RTN4: variants seen among roughly 807,000 people sequenced by gnomAD.
RTN4 encodes the protein reticulon 4.
RTN4 carries 32 observed loss-of-function variants against 90.4 expected under a neutral mutation model. The ratio of observed to expected loss-of-function variants is 0.35; its 90% CI spans 0.27 to 0.48. RTN4 has a LOEUF of 0.48. Among genes scored for constraint, RTN4 ranks in the 20% least tolerant of loss-of-function variants. RTN4 has a pLI of 0.99. For missense variants in RTN4, 1,706 were observed against 1,430.2 expected (o/e 1.19, Z -3.11); for synonymous variants, 629 against 552.5 (o/e 1.14, Z -1.94).
At chr2:55,039,372 TA>T (rs1363211817) in intron 1 of RTN4, among the ~76,000 whole-genome samples, 4 of 152,190 alleles carry the variant, frequency 2.6e-5, no homozygotes, top group Non-Finnish European at 5.9e-5. Flanking sequence ...AACTCATCGA[TA>T]GATTAAAAGA....
intron 3 of RTN4, chr2:55,010,383 G>C: frequency 7.8e-7 from 1 of 1,282,004 alleles, no homozygotes; most frequent in Non-Finnish European, 9.9e-7. Context: ...GATTGTTTTA[G>C]GCATTTGCCT....
intron 4 of RTN4, among the ~76,000 whole-genome samples, chr2:54,985,153 C>CTTTTTTTTTTTTTT (rs71769973): frequency 5.2e-5 from 3 of 57,864 alleles, no homozygotes; most frequent in African/African-American, 2.2e-4. Flanking sequence ...ATGACTCGGC[C>CTTTTTTTTTTTTTT]TTTTTTTTTT....
At chr2:55,078,160 C>T (rs1668637279) in intron 2 of RTN4, among the ~76,000 whole-genome samples, 1 of 151,762 alleles carries the variant, frequency 6.6e-6, no homozygotes, top group Non-Finnish European at 1.5e-5. Context: ...ACAACCTTTT[C>T]CCAAAAAACC....
chr2:55,087,711 C>T (rs1188686298), intron 1 of RTN4, among the ~76,000 whole-genome samples: 1 of 151,918 alleles, frequency 6.6e-6, no homozygotes, highest in East Asian at 1.9e-4. Flanking sequence ...ACTGCTGAGT[C>T]ATAGTATATG....
the RTN4 span, among the ~76,000 whole-genome samples, chr2:55,122,624 C>T: frequency 6.6e-6 from 1 of 152,046 alleles, no homozygotes; most frequent in Non-Finnish European, 1.5e-5. Context: ...ATGGGTCAGT[C>T]CTATGGGCAC....
rs763773034 is a variant in RTN4 at position 54,974,651 on chromosome 2, A to C, written c.3430+44T>G. 6 of 1,425,100 alleles carry C rather than the reference A, an allele frequency of 4.2e-6. No homozygotes were observed. In the South Asian group the frequency reaches 4.6e-5, roughly 11 times the overall value. 88.3% of individuals were successfully genotyped at this position (1,425,100 alleles called of 1,614,324 possible). ...TAAAATGTCTAAGCTCCTGGCACAC[A>C]ATCTTTCCAGCAATTTTTCATCCCA... On this transcript the variant is annotated intron_variant, in intron 6 of 8. Transcript: ENST00000337526.
At chr2:55,072,753 G>A (rs1668538710) in intron 2 of RTN4, among the ~76,000 whole-genome samples, 1 of 152,094 alleles carries the variant, frequency 6.6e-6, no homozygotes, top group Non-Finnish European at 1.5e-5. Context: ...ATTCCCCAAA[G>A]GAATGTTTAC....
At chr2:54,995,133 G>A (rs369395067) in intron 3 of RTN4, among the ~76,000 whole-genome samples, 8 of 151,758 alleles carry the variant, frequency 5.3e-5, no homozygotes, top group East Asian at 1.9e-4. Context: ...CCAGCTACTC[G>A]GGAGGCTGAG....
chr2:55,019,326 T>C (rs1001277561), intron 3 of RTN4, among the ~76,000 whole-genome samples: 1 of 152,144 alleles, frequency 6.6e-6, no homozygotes, highest in African/African-American at 2.4e-5. Context: ...GAATCATCAA[T>C]GGTTTACTAA....
chr2:55,025,110 A>G lies in RTN4; in HGVS notation c.2989T>C (p.Ser997Pro), dbSNP rs1681720451. 3 of 1,608,806 alleles carry G rather than the reference A, an allele frequency of 1.9e-6. No individual in the cohort carries two copies. Among genetic ancestry groups the G allele is most frequent in the Non-Finnish European group, 2.5e-6 (3 of 1,177,488 alleles). ...CCTGAAGTTTTACTCAGCTCTGCTG[A>G]AAATATAGCAGATGGTGATCTGTCC... The part of the protein sequence containing the change: ...KEDRSPSAIF[S>P]AELSKTSVVD... The change falls in exon 3 of 9, where the codon TCA becomes CCA. Residue 997 changes from serine (S) to proline (P), a missense_variant. Physicochemically the swap from Ser to Pro is moderately conservative, Grantham distance 74 (BLOSUM62 -1). Coordinates refer to ENST00000337526, the MANE Select transcript of RTN4 (RefSeq NM_020532.5).
chr2:55,077,262 C>G (rs1668619772), intron 2 of RTN4, among the ~76,000 whole-genome samples: 1 of 151,724 alleles, frequency 6.6e-6, no homozygotes, highest in Non-Finnish European at 1.5e-5. Flanking sequence ...ATCCTCCTGC[C>G]TCGGCCTCCC....
At chr2:55,096,056 TG>T in intron 1 of RTN4, among the ~76,000 whole-genome samples, 1 of 152,270 alleles carries the variant, frequency 6.6e-6, no homozygotes, top group Middle Eastern at 3.4e-3. Context: ...GGGCCGGGTA[TG>T]GTGGCTCACG....
chr2:55,052,079 G>C (rs1029502135), upstream of RTN4, among the ~76,000 whole-genome samples: 1 of 152,114 alleles, frequency 6.6e-6, no homozygotes, highest in African/African-American at 2.4e-5. Flanking sequence ...TAAATAGGTG[G>C]AACACAGAAG....
At chr2:55,103,764 G>A (rs1558881372) in intron 1 of RTN4, among the ~76,000 whole-genome samples, 1 of 151,756 alleles carries the variant, frequency 6.6e-6, no homozygotes, top group Admixed American at 6.6e-5. Context: ...GTGCAATCTC[G>A]GCTCACTGCA....
intron 1 of RTN4, among the ~76,000 whole-genome samples, chr2:55,086,338 T>C (rs1224158022): frequency 6.6e-6 from 1 of 152,052 alleles, no homozygotes; most frequent in Non-Finnish European, 1.5e-5. Context: ...TGAATACCCC[T>C]GTGTAACTGT....
chr2:55,046,810 A>G (rs1469765540), intron 1 of RTN4: 1 of 152,190 alleles, frequency 6.6e-6, no homozygotes. Context: ...ATGTTCTTAC[A>G]CTTACTAAAA....
At chr2:55,029,195 CAGG>C (rs1682126861) in intron 1 of RTN4, among the ~76,000 whole-genome samples, 2 of 152,122 alleles carry the variant, frequency 1.3e-5, no homozygotes, top group Admixed American at 6.6e-5. Flanking sequence ...ACCTATAAGC[CAGG>C]AGAAGAGGCC....
chr2:55,035,133 C>CT (rs764609177), intron 1 of RTN4, among the ~76,000 whole-genome samples: 16 of 152,264 alleles, frequency 1.1e-4, no homozygotes, highest in Admixed American at 4.6e-4. Flanking sequence ...CAACCACACA[C>CT]TATCAGTTAG....
intron 1 of RTN4, among the ~76,000 whole-genome samples, chr2:55,038,010 C>T (rs868193759): frequency 7.2e-5 from 11 of 151,980 alleles, no homozygotes; most frequent in Middle Eastern, 3.4e-3. Context: ...CCAAAGGCAC[C>T]AAAGCAATTC....
Sources: allele counts gnomAD v4.1 joint callset (sites outside exome capture counted in the v4.1 genomes callset), GRCh38; gene constraint gnomAD v4.1.1; transcripts MANE v1.5; gene names NCBI Gene and HGNC (gene_info 2026-07-23, HGNC 2026-07-21).